Variants in RGP1 observed in about 807,000 individuals in gnomAD.
RGP1 encodes RAB6A-GEF complex partner protein 2.
A neutral mutation model predicts 44.5 loss-of-function variants in RGP1; 28 were observed. That is an observed-to-expected ratio of 0.63 (90% CI 0.47 to 0.86). The LOEUF is 0.86. Among genes scored for constraint, RGP1 ranks in the 40% least tolerant of loss-of-function variants. RGP1 has a pLI of 0.00. For synonymous variants in RGP1, 212 were observed against 196.7 expected (o/e 1.08, Z -0.65); for missense variants, 417 against 490.7 (o/e 0.85, Z 1.42).
At chr9:35,773,604 C>A in the RGP1 span, among the ~76,000 whole-genome samples, 1 of 151,524 alleles carries the variant, frequency 6.6e-6, no homozygotes. Flanking sequence ...TGGATTCAAG[C>A]GATTCTCCTG....
At chr9:35,751,857 G>A in intron 7 of RGP1, 99 bp from the exon 8 acceptor site, 2 of 1,568,140 alleles carry the variant, frequency 1.3e-6, no homozygotes, top group Non-Finnish European at 1.7e-6. Context: ...GGGATAGTGG[G>A]GTCATCCAGG....
Position 35,753,266 on chromosome 9 carries a change from A to G in RGP1, c.*392A>G, listed in dbSNP as rs1827301466. 4 of 1,613,726 alleles carry G rather than the reference A, an allele frequency of 2.5e-6. No individual in the cohort carries two copies. Among genetic ancestry groups the G allele is most frequent in the East Asian group, 2.2e-5 (1 of 44,890 alleles). On this transcript the variant is annotated 3_prime_UTR_variant, in exon 9 of 9. Transcript: ENST00000378078. The surrounding 1 kb of genome is among the most constrained non-coding windows in gnomAD (Gnocchi z 4.2). ...TACCTCACACCCAGCCGGGAAGTCG[A>G]TGGGATGCTGGGACCTGGGGAACCA... is the stretch of plus-strand genomic sequence containing the variant.
the RGP1 span, among the ~76,000 whole-genome samples, chr9:35,769,718 A>C: frequency 6.6e-6 from 1 of 152,134 alleles, no homozygotes; most frequent in Non-Finnish European, 1.5e-5. Flanking sequence ...GTGTGTCTAG[A>C]GTGTAGAGGA....
the RGP1 span, among the ~76,000 whole-genome samples, chr9:35,784,719 C>T: frequency 2.0e-5 from 3 of 152,134 alleles, no homozygotes; most frequent in African/African-American, 7.2e-5. Flanking sequence ...CCACCCGCCT[C>T]GGCCTCCCAA....
chr9:35,749,406 G>C lies in RGP1; in HGVS notation c.-22G>C, dbSNP rs10972571. On this transcript the variant is annotated splice_region_variant and 5_prime_UTR_variant, in exon 1 of 9. Transcript: ENST00000378078. This position sits in a 1 kb window ranked among gnomAD's most constrained non-coding sequence, Gnocchi z 4.4. ...TGCCGATCCCTAGTGTCGACTATGC[G>C]AGGTGACTAGCGGCGGTGATCTTGG... is the stretch of plus-strand genomic sequence containing the variant. The C allele has an allele frequency of 0.016, 8,889 of 559,362 alleles. 573 individuals are homozygous for C. Among genetic ancestry groups the C allele is most frequent in the African/African-American group, 0.15 (7,714 of 52,972 alleles). 34.6% of individuals were successfully genotyped at this position (559,362 alleles called of 1,614,324 possible). A position where few individuals can be genotyped will look rare whatever the true frequency, so the allele number is the denominator to read the frequency against.
the RGP1 span, among the ~76,000 whole-genome samples, chr9:35,774,370 G>C: frequency 6.6e-6 from 1 of 152,174 alleles, no homozygotes. Flanking sequence ...TGCCTTTAGG[G>C]TCCCAGCAAA....
rs369297245 is a variant in RGP1, at chr9:35,752,985, C to T, written c.*111C>T. The T allele has an allele frequency of 3.0e-5, 46 of 1,527,188 alleles. No individual in the cohort carries two copies. The highest frequency in any genetic ancestry group is 1.4e-4 in the African/African-American group (10 of 72,678). The allele number at this position is 1,527,188 out of a possible 1,614,324, so 94.6% of individuals were successfully genotyped here. ...GTCCAATGTCGTGGACAGTGAGAGT[C>T]GGGCTTTCAGCTATAGCATTAATTT... On this transcript the variant is annotated 3_prime_UTR_variant, in exon 9 of 9. Transcript: ENST00000378078.
Position 35,754,350 on chromosome 9 carries a change from ACT to A in RGP1, c.*1479_*1480del, listed in dbSNP as rs923730593. On this transcript the variant is annotated 3_prime_UTR_variant, in exon 9 of 9. Transcript: ENST00000378078. ...GCTGAGTAGAGCTGGAAAAGTTGTA[ACT>A]CTGTTTCCTGAGGTGAGGGCATGAA... 4.2e-6 allele frequency: 2 copies of A among 473,300 alleles called. No individual in the cohort carries two copies. The highest frequency in any genetic ancestry group is 2.0e-5 in the African/African-American group (1 of 49,988). The allele number at this position is 473,300 out of a possible 1,614,324, so 29.3% of individuals were successfully genotyped here. A position where few individuals can be genotyped will look rare whatever the true frequency, so the allele number is the denominator to read the frequency against.
Position 35,753,214 on chromosome 9 carries a change from G to T in RGP1, c.*340G>T. The T allele has an allele frequency of 6.2e-7, 1 of 1,614,202 alleles. No individual in the cohort carries two copies. The highest frequency in any genetic ancestry group is 2.2e-5 in the East Asian group (1 of 44,880). On this transcript the variant is annotated 3_prime_UTR_variant, in exon 9 of 9. Transcript: ENST00000378078. The surrounding 1 kb of genome is among the most constrained non-coding windows in gnomAD (Gnocchi z 4.2). ...GAGGGTCAGATTTTTGCACCAAGGAGAACTGGCAGGTTCCTGCCTCCTGAC... is the reference window on the plus strand; with the variant it reads ...GAGGGTCAGATTTTTGCACCAAGGATAACTGGCAGGTTCCTGCCTCCTGAC...
the RGP1 span, among the ~76,000 whole-genome samples, chr9:35,777,448 T>G: frequency 1.5e-4 from 3 of 19,892 alleles, no homozygotes; most frequent in South Asian, 1.2e-3. Flanking sequence ...TTTTGTGGTT[T>G]TTTTTTTTTT....
At chr9:35,771,785 G>C in the RGP1 span, among the ~76,000 whole-genome samples, 1 of 152,228 alleles carries the variant, frequency 6.6e-6, no homozygotes, top group Non-Finnish European at 1.5e-5. Context: ...GTTCATGTAA[G>C]TGAGTTTTAA....
the RGP1 span, among the ~76,000 whole-genome samples, chr9:35,773,055 A>C: frequency 5.9e-5 from 9 of 152,130 alleles, no homozygotes; most frequent in African/African-American, 1.9e-4. Flanking sequence ...CCTTAAAAAA[A>C]CCCATATATA....
At chr9:35,787,925 C>A in the RGP1 span, among the ~76,000 whole-genome samples, 2 of 152,204 alleles carry the variant, frequency 1.3e-5, no homozygotes, top group African/African-American at 4.8e-5. Flanking sequence ...AAGCCCATTT[C>A]TGCTAGTCAG....
intron 7 of RGP1, 52 bp from the exon 8 acceptor site, chr9:35,751,904 C>T: frequency 6.4e-7 from 1 of 1,556,106 alleles, no homozygotes; most frequent in Non-Finnish European, 8.7e-7. Flanking sequence ...GGGCTGTCCT[C>T]TCACCTACAG....
At chr9:35,782,535 C>T in the RGP1 span, among the ~76,000 whole-genome samples, 1 of 152,214 alleles carries the variant, frequency 6.6e-6, no homozygotes, top group Non-Finnish European at 1.5e-5. Context: ...CAATCTCCGC[C>T]TCCTGGAATC....
chr9:35,754,175 T>G lies in RGP1; in HGVS notation c.*1301T>G, dbSNP rs2132037558. The stretch of plus-strand genomic sequence containing the variant: ...AGACCCTTCTTGGCCTCTGCTCAGC[T>G]ACTCTGGTCTTGACTCCTTGACTTT... On this transcript the variant is annotated 3_prime_UTR_variant, in exon 9 of 9. Coordinates refer to ENST00000378078, the MANE Select transcript of RGP1 (RefSeq NM_001080496.3). 1 of 1,581,744 alleles carries G rather than the reference T, an allele frequency of 6.3e-7. No homozygotes were observed. Among genetic ancestry groups the G allele is most frequent in the Non-Finnish European group, 8.6e-7 (1 of 1,162,452 alleles).
At chr9:35,766,603 A>T in the RGP1 span, among the ~76,000 whole-genome samples, 9 of 152,158 alleles carry the variant, frequency 5.9e-5, no homozygotes, top group Non-Finnish European at 1.2e-4. Flanking sequence ...TATATCTAAA[A>T]GTTTTATGAT....
rs780331004 is a variant in RGP1, at chr9:35,751,743, G to A, written c.751G>A (p.Ala251Thr). 5 of 1,613,862 alleles carry A rather than the reference G, an allele frequency of 3.1e-6. No homozygotes were observed. The African/African-American group carries it at 5.3e-5, about 17-fold the overall frequency. The change falls in exon 7 of 9, where the codon GCT (alanine) becomes ACT (threonine). Residue 251 changes from alanine to threonine, a missense_variant. Physicochemically the swap from Ala to Thr is moderately conservative, Grantham distance 58 (BLOSUM62 0). Coordinates refer to ENST00000378078, the MANE Select transcript of RGP1 (RefSeq NM_001080496.3). ...CTTAAACTTAGGGGAAGGAACCGTAGCTTGTTTGCAGGTAAGAAGGGAGCA... is the reference window on the plus strand; with the variant it reads ...CTTAAACTTAGGGGAAGGAACCGTAACTTGTTTGCAGGTAAGAAGGGAGCA... The part of the protein sequence containing the change: ...GTLNLGEGTV[A>T]CLQFSVSLQT...
At chr9:35,773,710 C>T in the RGP1 span, among the ~76,000 whole-genome samples, 177 of 152,206 alleles carry the variant, frequency 1.2e-3, 2 homozygotes, top group African/African-American at 4.0e-3. Flanking sequence ...TCATGTTGGC[C>T]AGGCTGGTCT....
Sources: gnomAD v4.1 joint callset for allele counts (sites outside exome capture counted in the v4.1 genomes callset) on GRCh38, gnomAD v4.1.1 for gene constraint, Gnocchi (gnomAD v3.1) non-coding constraint, MANE v1.5 for transcripts, NCBI Gene and HGNC (gene_info 2026-07-23, HGNC 2026-07-21) for gene names.